Variants in PPME1 observed in about 807,000 individuals in gnomAD.
PPME1 encodes protein phosphatase methylesterase 1.
PPME1 carries 17 observed loss-of-function variants against 56.9 expected under a neutral mutation model. The observed-to-expected ratio is 0.30, with a 90% CI of 0.20 to 0.45. The LOEUF is 0.45. Among genes scored for constraint, PPME1 ranks in the 20% least tolerant of loss-of-function variants. The probability of loss-of-function intolerance (pLI) is 1.00; values close to 1 mark genes in which losing one functional copy is unlikely to be tolerated. For synonymous variants in PPME1, 122 were observed against 156.2 expected, an observed-to-expected ratio of 0.78 and a Z score of 1.63; for missense variants, 357 against 483.2, an observed-to-expected ratio of 0.74 and a Z score of 2.45.
At chr11:74,232,674 C>CTTT in intron 7 of PPME1, among the ~76,000 whole-genome samples, 1 of 134,450 alleles carries the variant, frequency 7.4e-6, no homozygotes, top group African/African-American at 2.7e-5. Flanking sequence ...TTTATCCAAA[C>CTTT]TTTTTTTTTT....
At position 74,230,868 on chromosome 11, in the gene PPME1, A is replaced by G. The variant is rs1349117259; in HGVS notation, c.554-44A>G. On this transcript the variant is annotated intron_variant, in intron 6 of 13. Coordinates refer to ENST00000328257, the MANE Select transcript of PPME1 (RefSeq NM_016147.3). The surrounding 1 kb of genome is among the most constrained non-coding windows in gnomAD (Gnocchi z 4.9). ...GTTGACTCAGTAAGTGTAAATGCTCAGAATAAGTTAAATATGTGGTTACAG... is the reference window on the plus strand; with the variant it reads ...GTTGACTCAGTAAGTGTAAATGCTCGGAATAAGTTAAATATGTGGTTACAG... 1 of 1,416,314 alleles carries G rather than the reference A, an allele frequency of 7.1e-7. No homozygotes were observed. The highest frequency in any genetic ancestry group is 1.9e-5 in the Admixed American group (1 of 51,530). 87.7% of individuals were successfully genotyped at this position (1,416,314 alleles called of 1,614,324 possible).
chr11:74,184,801 G>C (rs556392627), intron 1 of PPME1, among the ~76,000 whole-genome samples: 31 of 152,102 alleles, frequency 2.0e-4, no homozygotes, highest in African/African-American at 7.0e-4. Context: ...TAATCAATGG[G>C]AACTTCTAGT....
At position 74,188,215 on chromosome 11, in the gene PPME1, G is replaced by A. The variant is rs370802933; in HGVS notation, c.102-15513G>A. Among the ~76,000 whole-genome samples the A allele has an allele frequency of 4.2e-5, 6 of 144,432 alleles. No individual in the cohort carries two copies. In the East Asian group the frequency reaches 6.1e-4, roughly 15 times the overall value. 94.8% of individuals were successfully genotyped at this position (144,432 alleles called of 152,430 possible). On this transcript the variant is annotated intron_variant, in intron 1 of 13. Transcript: ENST00000328257. ...CTTTTTTTTTTTTTTTTGAGATGGA[G>A]TCTCGCTCTCACCCAGGCTGGAGTG...
intron 3 of PPME1, among the ~76,000 whole-genome samples, chr11:74,207,060 C>T (rs1371633829): frequency 1.3e-5 from 2 of 152,180 alleles, no homozygotes; most frequent in Non-Finnish European, 2.9e-5. Context: ...CTCCAGTGTG[C>T]ATATTTCTTT....
intron 3 of PPME1, among the ~76,000 whole-genome samples, chr11:74,206,263 C>T (rs1591036123): frequency 1.3e-5 from 2 of 152,176 alleles, no homozygotes; most frequent in East Asian, 3.9e-4. Context: ...CCAGGCTGGA[C>T]ATGAACTCCT....
intron 3 of PPME1, among the ~76,000 whole-genome samples, chr11:74,211,929 G>T (rs918266014): frequency 3.9e-5 from 6 of 152,018 alleles, no homozygotes; most frequent in Admixed American, 3.9e-4. Context: ...CTTTTGAGAG[G>T]GGCGGCAGAG....
At chr11:74,245,973 A>T (rs1859492036) in intron 9 of PPME1, 103 bp from the exon 10 acceptor site, 1 of 1,343,550 alleles carries the variant, frequency 7.4e-7, no homozygotes, top group African/African-American at 1.5e-5. Context: ...GTCCTTAATA[A>T]GTGCTAGTTT....
chr11:74,228,442 A>T (rs1271194316), intron 5 of PPME1, among the ~76,000 whole-genome samples: 1 of 152,074 alleles, frequency 6.6e-6, no homozygotes, highest in East Asian at 1.9e-4. Context: ...CCAAGGGGAG[A>T]TGGCTTTACC....
intron 4 of PPME1, among the ~76,000 whole-genome samples, chr11:74,224,758 T>G (rs1307870398): frequency 6.6e-6 from 1 of 150,794 alleles, no homozygotes; most frequent in Non-Finnish European, 1.5e-5. Flanking sequence ...CTGTTATTGG[T>G]GTATAAGAAT....
intron 13 of PPME1, among the ~76,000 whole-genome samples, chr11:74,253,247 T>C (rs1859750921): frequency 6.6e-6 from 1 of 152,072 alleles, no homozygotes; most frequent in Non-Finnish European, 1.5e-5. Context: ...GAACCAACAA[T>C]AAAGACTTAA....
In PPME1 at chr11:74,239,039, C is replaced by T. The variant is rs1859274282; in HGVS notation, c.711-94C>T. On this transcript the variant is annotated intron_variant, in intron 8 of 13. Coordinates refer to ENST00000328257, the MANE Select transcript of PPME1 (RefSeq NM_016147.3). ...AGGATGATTGTTAAGTTTTAGCTAA[C>T]ATTTGATTATAAAAGGCCGTAAGTA... The T allele has an allele frequency of 7.2e-6, 9 of 1,243,062 alleles. No individual in the cohort carries two copies. The South Asian group carries it at 1.4e-4, about 19-fold the overall frequency. The allele number at this position is 1,243,062 out of a possible 1,614,324, so 77.0% of individuals were successfully genotyped here. A position where few individuals can be genotyped will look rare whatever the true frequency, so the allele number is the denominator to read the frequency against.
intron 9 of PPME1, 69 bp downstream of exon 9, chr11:74,239,325 G>A: frequency 6.4e-7 from 1 of 1,553,270 alleles, no homozygotes; most frequent in Non-Finnish European, 8.7e-7. Flanking sequence ...GGGTGGGAAG[G>A]GGTGATAACA....
At chr11:74,187,730 T>C (rs1328383447) in intron 1 of PPME1, among the ~76,000 whole-genome samples, 1 of 152,162 alleles carries the variant, frequency 6.6e-6, no homozygotes, top group Non-Finnish European at 1.5e-5. Flanking sequence ...AATAATACAA[T>C]GACTTTAGCA....
chr11:74,193,667 A>G (rs1256145584), intron 1 of PPME1, among the ~76,000 whole-genome samples: 2 of 152,044 alleles, frequency 1.3e-5, no homozygotes, highest in Non-Finnish European at 2.9e-5. Context: ...TGTATTTTCC[A>G]TCTTCTATTT....
Position 74,253,626 on chromosome 11 carries a change from CCGGTAGA to C in PPME1, c.*120_*126del. 1 of 1,183,004 alleles carries C rather than the reference CCGGTAGA, an allele frequency of 8.5e-7. No individual in the cohort carries two copies. The highest frequency in any genetic ancestry group is 1.3e-6 in the Non-Finnish European group (1 of 793,560). 73.3% of individuals were successfully genotyped at this position (1,183,004 alleles called of 1,614,324 possible). A position where few individuals can be genotyped will look rare whatever the true frequency, so the allele number is the denominator to read the frequency against. ...CCGCCCAGCCATGTGACACTGGCTC[CCGGTAGA>C]CGGGCACCCCGAGATGTACCAACCT... On this transcript the variant is annotated 3_prime_UTR_variant, in exon 14 of 14. Coordinates refer to ENST00000328257, the MANE Select transcript of PPME1 (RefSeq NM_016147.3).
At chr11:74,182,574 G>A (rs1355408008) in intron 1 of PPME1, among the ~76,000 whole-genome samples, 1 of 151,890 alleles carries the variant, frequency 6.6e-6, no homozygotes, top group Admixed American at 6.6e-5. Context: ...TGGTCAGGCT[G>A]GTCTCAAACT....
chr11:74,228,673 C>A (rs532344050), intron 5 of PPME1, among the ~76,000 whole-genome samples: 87 of 152,150 alleles, frequency 5.7e-4, no homozygotes, highest in African/African-American at 2.0e-3. Context: ...TTTTTATAGA[C>A]CCAGTGAGAA....
At position 74,253,937 on chromosome 11, in the gene PPME1, A is replaced by G. The variant is rs1023593164; in HGVS notation, c.*427A>G. Reference sequence around the variant, plus strand: ...CCAGCCCTGCCTCATGGGATGGACAATGCATGGGGTGGTCTTTATTTTTCC... The same window carrying G: ...CCAGCCCTGCCTCATGGGATGGACAGTGCATGGGGTGGTCTTTATTTTTCC... On this transcript the variant is annotated 3_prime_UTR_variant, in exon 14 of 14. Transcript: ENST00000328257. 6.1e-5 allele frequency: 14 copies of G among 229,030 alleles called. No individual in the cohort carries two copies. Among genetic ancestry groups the G allele is most frequent in the South Asian group, 1.3e-4 (1 of 7,684 alleles). 14.2% of individuals were successfully genotyped at this position (229,030 alleles called of 1,614,324 possible).
At chr11:74,241,059 A>G (rs1462742500) in intron 9 of PPME1, among the ~76,000 whole-genome samples, 1 of 152,118 alleles carries the variant, frequency 6.6e-6, no homozygotes, top group African/African-American at 2.4e-5. Context: ...TATAAGCCCA[A>G]TTATGTGGTT....
Sources: gnomAD v4.1 joint callset for allele counts (sites outside exome capture counted in the v4.1 genomes callset) on GRCh38, gnomAD v4.1.1 for gene constraint, Gnocchi (gnomAD v3.1) non-coding constraint, MANE v1.5 for transcripts, NCBI Gene and HGNC (gene_info 2026-07-23, HGNC 2026-07-21) for gene names.